The following YPEL1 variants were observed in gnomAD, a reference collection of about 807,000 sequenced individuals.
YPEL1 encodes the protein yippee like 1.
In YPEL1, 7 loss-of-function variants were observed where a neutral mutation model predicts 17.3. That is an observed-to-expected ratio of 0.40 (90% CI 0.23 to 0.76). The LOEUF is 0.76. YPEL1 is among the 30% of genes least tolerant of loss of function. The probability of loss-of-function intolerance (pLI) is 0.35; values close to 1 mark genes in which losing one functional copy is unlikely to be tolerated. For synonymous variants in YPEL1, 59 were observed against 59.6 expected (o/e 0.99, Z 0.05); for missense variants, 91 against 155.5 (o/e 0.59, Z 2.21).
At chr22:21,710,940 C>G (rs977257622) in intron 1 of YPEL1, 32 bp from the exon 2 acceptor site, 6 of 612,936 alleles carry the variant, frequency 9.8e-6, no homozygotes, top group Admixed American at 5.3e-5. Context: ...TGGTGGGTTA[C>G]AGAGAGAACA....
At chr22:21,734,672 C>A (rs2148617956) in intron 1 of YPEL1, among the ~76,000 whole-genome samples, 1 of 152,278 alleles carries the variant, frequency 6.6e-6, no homozygotes, top group Non-Finnish European at 1.5e-5. Context: ...GGGACCAGTG[C>A]ATGATTGTAA....
intron 1 of YPEL1, among the ~76,000 whole-genome samples, chr22:21,730,355 C>A (rs990102496): frequency 2.0e-5 from 3 of 152,022 alleles, no homozygotes; most frequent in African/African-American, 7.2e-5. Flanking sequence ...TCCCAAATAG[C>A]TGGGACTACA....
Position 21,701,279 on chromosome 22 carries a change from C to CT in YPEL1, c.271-62dup, listed in dbSNP as rs1422004839. 10 of 1,387,320 alleles carry CT rather than the reference C, an allele frequency of 7.2e-6. No individual in the cohort carries two copies. In the South Asian group the frequency reaches 1.1e-4, roughly 15 times the overall value. The allele number at this position is 1,387,320 out of a possible 1,614,324, so 85.9% of individuals were successfully genotyped here. A position where few individuals can be genotyped will look rare whatever the true frequency, so the allele number is the denominator to read the frequency against. ...GGTTTCACTTTTCAATTTCATCACT[C>CT]TTTTGGCAAAAACCCCCCCCAAGTC... On this transcript the variant is annotated intron_variant, in intron 4 of 4. Coordinates refer to ENST00000339468, the MANE Select transcript of YPEL1 (RefSeq NM_013313.5).
rs1349067371 is a variant in YPEL1 at position 21,700,100 on chromosome 22, A to AT, written c.*1028dup. The AT allele has an allele frequency of 1.3e-5, 2 of 152,400 alleles. No individual in the cohort carries two copies. 9.4% of individuals were successfully genotyped at this position (152,400 alleles called of 1,614,324 possible). On this transcript the variant is annotated 3_prime_UTR_variant, in exon 5 of 5. Coordinates refer to ENST00000339468, the MANE Select transcript of YPEL1 (RefSeq NM_013313.5). ...TAAAAACCAAAAATGCCCTTAGTGT[A>AT]TAAGTCTGTTGACTGCCTCTGGAAG... is the stretch of plus-strand genomic sequence containing the variant.
At chr22:21,705,858 G>A (rs1324104244) in intron 2 of YPEL1, among the ~76,000 whole-genome samples, 2 of 152,146 alleles carry the variant, frequency 1.3e-5, no homozygotes, top group East Asian at 1.9e-4. Context: ...GGCCAGGCGC[G>A]GTGGCTCACG....
chr22:21,726,899 A>C (rs1474814370), intron 1 of YPEL1, among the ~76,000 whole-genome samples: 2 of 152,056 alleles, frequency 1.3e-5, no homozygotes, highest in Non-Finnish European at 2.9e-5. Flanking sequence ...GACGCTACTA[A>C]CTCTTCCTGG....
At position 21,710,853 on chromosome 22, in the gene YPEL1, T is replaced by C. The variant is rs2068157685; in HGVS notation, c.-109A>G. ...GGAAAATGCACGCAAGAGCCGTCGT[T>C]GTCCAGGAGGGCGTGTGGCACTGTC... On this transcript the variant is annotated 5_prime_UTR_variant, in exon 2 of 5. Coordinates refer to ENST00000339468, the MANE Select transcript of YPEL1 (RefSeq NM_013313.5). The C allele has an allele frequency of 3.1e-6, 3 of 968,962 alleles. No individual in the cohort carries two copies. Among genetic ancestry groups the C allele is most frequent in the African/African-American group, 3.2e-5 (2 of 62,582 alleles). 60.0% of individuals were successfully genotyped at this position (968,962 alleles called of 1,614,324 possible).
At position 21,703,367 on chromosome 22, in the gene YPEL1, C is replaced by T. The variant is rs1265184216; in HGVS notation, c.270+3G>A. 1 of 1,613,140 alleles carries T rather than the reference C, an allele frequency of 6.2e-7. No individual in the cohort carries two copies. Among genetic ancestry groups the T allele is most frequent in the South Asian group, 1.1e-5 (1 of 91,080 alleles). On this transcript the variant is annotated splice_donor_region_variant and intron_variant, in intron 4 of 4. Transcript: ENST00000339468. This position sits in a 1 kb window ranked among gnomAD's most constrained non-coding sequence, Gnocchi z 6.1. ...GGCACGAGCATCCCCTTGTGGCACT[C>T]ACGTATTTCCACCCGAGCGTGGTCT...
At chr22:21,711,671 T>G (rs2068167606) in intron 1 of YPEL1, among the ~76,000 whole-genome samples, 1 of 152,178 alleles carries the variant, frequency 6.6e-6, no homozygotes, top group African/African-American at 2.4e-5. Context: ...GATATCCACC[T>G]GCAAAAATAT....
chr22:21,718,144 C>A (rs111601136), intron 1 of YPEL1, among the ~76,000 whole-genome samples: 79 of 126,840 alleles, frequency 6.2e-4, no homozygotes, highest in Admixed American at 1.2e-3. Flanking sequence ...AAAAAAAAAA[C>A]AAAAACAAAA....
At chr22:21,728,662 C>T (rs577044996) in intron 1 of YPEL1, among the ~76,000 whole-genome samples, 3 of 152,120 alleles carry the variant, frequency 2.0e-5, no homozygotes, top group Non-Finnish European at 4.4e-5. Flanking sequence ...AGTAGATGTT[C>T]AACTCTGAAG....
chr22:21,713,626 A>G (rs1312078948), intron 1 of YPEL1, among the ~76,000 whole-genome samples: 8 of 152,210 alleles, frequency 5.3e-5, no homozygotes, highest in African/African-American at 1.7e-4. Context: ...GTTTTGCAAC[A>G]TGAAGAATTC....
At chr22:21,725,957 C>T (rs1416509760) in intron 1 of YPEL1, among the ~76,000 whole-genome samples, 5 of 152,152 alleles carry the variant, frequency 3.3e-5, no homozygotes, top group Non-Finnish European at 4.4e-5. Context: ...CGTGATGGTG[C>T]CCCTGCACTC....
intron 2 of YPEL1, among the ~76,000 whole-genome samples, chr22:21,705,612 C>G (rs2068107691): frequency 1.3e-5 from 2 of 152,190 alleles, no homozygotes; most frequent in South Asian, 2.1e-4. Flanking sequence ...TAGGACCCAG[C>G]AGTCCCACTT....
chr22:21,698,534 C>CTGTT lies in YPEL1; in HGVS notation c.*2591_*2594dup, dbSNP rs1158502039. 33 of 152,494 alleles carry CTGTT rather than the reference C, an allele frequency of 2.2e-4. No individual in the cohort carries two copies. The highest frequency in any genetic ancestry group is 3.8e-4 in the Non-Finnish European group (26 of 68,046). 9.4% of individuals were successfully genotyped at this position (152,494 alleles called of 1,614,324 possible). A position where few individuals can be genotyped will look rare whatever the true frequency, so the allele number is the denominator to read the frequency against. The stretch of plus-strand genomic sequence containing the variant: ...GGCTGGGGACGGCACGAACCTCCAA[C>CTGTT]TGTTTCCCCTAGTCCCCGGGGCATC... On this transcript the variant is annotated 3_prime_UTR_variant, in exon 5 of 5. Transcript: ENST00000339468.
At chr22:21,721,496 T>C (rs112995664) in intron 1 of YPEL1, among the ~76,000 whole-genome samples, 20,374 of 151,318 alleles carry the variant, frequency 0.13, 1,709 homozygotes, top group Middle Eastern at 0.19. Flanking sequence ...TGATCTTGGC[T>C]CACTGCAACC....
rs370070777 is a variant in YPEL1 at position 21,703,320 on chromosome 22, A to T, written c.270+50T>A. 1.5e-4 allele frequency: 229 copies of T among 1,538,444 alleles called. No homozygotes were observed. In the Middle Eastern group the frequency reaches 2.7e-3, roughly 18 times the overall value. On this transcript the variant is annotated intron_variant, in intron 4 of 4. Coordinates refer to ENST00000339468, the MANE Select transcript of YPEL1 (RefSeq NM_013313.5). This position sits in a 1 kb window ranked among gnomAD's most constrained non-coding sequence, Gnocchi z 6.1. ...CACGGGGAGGTGTGGCTCAGTGGCA[A>T]CTTAGTGCCACATCCCCTTGTGGCA...
At chr22:21,708,926 G>C (rs1472855132) in intron 2 of YPEL1, among the ~76,000 whole-genome samples, 3 of 151,318 alleles carry the variant, frequency 2.0e-5, no homozygotes, top group African/African-American at 7.3e-5. Context: ...CGCCCACCTC[G>C]GTCTCCCAAA....
intron 1 of YPEL1, among the ~76,000 whole-genome samples, chr22:21,727,695 G>A (rs1312808835): frequency 6.6e-6 from 1 of 152,206 alleles, no homozygotes; most frequent in Non-Finnish European, 1.5e-5. Context: ...AGCAGCTTCT[G>A]ACACTTCATG....
Sources: gnomAD v4.1 joint callset for allele counts (sites outside exome capture counted in the v4.1 genomes callset) on GRCh38, gnomAD v4.1.1 for gene constraint, Gnocchi (gnomAD v3.1) non-coding constraint, MANE v1.5 for transcripts, NCBI Gene and HGNC (gene_info 2026-07-23, HGNC 2026-07-21) for gene names.